The following HIKESHI variants were observed in gnomAD, a reference collection of about 807,000 sequenced individuals.
HIKESHI encodes the protein heat shock protein nuclear import factor hikeshi, also known as protein Hikeshi.
Under a neutral mutation model 25.7 loss-of-function variants are expected in HIKESHI, and 13 were observed. That is an observed-to-expected ratio of 0.51 (90% CI 0.33 to 0.80). The LOEUF (loss-of-function observed/expected upper bound fraction) is 0.80, where lower values mean the gene tolerates loss of function less well. Ranked by LOEUF, HIKESHI falls within the 30% of genes least tolerant of loss-of-function variation. HIKESHI has a pLI of 0.02. For synonymous variants in HIKESHI, 76 were observed against 78.7 expected (o/e 0.97, Z 0.18); for missense variants, 174 against 229.5 (o/e 0.76, Z 1.56).
intron 2 of HIKESHI, among the ~76,000 whole-genome samples, chr11:86,327,003 A>G (rs570409892): frequency 6.4e-4 from 98 of 152,184 alleles, no homozygotes; most frequent in Admixed American, 1.6e-3. Context: ...AAGTGGGAGG[A>G]TTGCTTGAGC....
At chr11:86,308,136 GTAAAATATATATTGTA>G (rs1946713990) in intron 2 of HIKESHI, among the ~76,000 whole-genome samples, 1 of 87,444 alleles carries the variant, frequency 1.1e-5, no homozygotes, top group East Asian at 2.9e-4. Context: ...TGTATTACAT[GTAAAATATATATTGTA>G]TAAAATATAT....
At chr11:86,307,596 G>A (rs1946675229) in intron 2 of HIKESHI, among the ~76,000 whole-genome samples, 2 of 117,478 alleles carry the variant, frequency 1.7e-5, no homozygotes, top group African/African-American at 3.1e-5. Flanking sequence ...ATTATGTGTA[G>A]TATACATTAT....
chr11:86,323,119 T>A lies in HIKESHI; in HGVS notation c.269-14260T>A, dbSNP rs753342777. Among the ~76,000 whole-genome samples, 40 of 151,928 alleles carry A rather than the reference T, an allele frequency of 2.6e-4. 1 individual carries two copies. Among genetic ancestry groups the A allele is most frequent in the Non-Finnish European group, 5.0e-4 (34 of 67,962 alleles). On this transcript the variant is annotated intron_variant, in intron 2 of 4. Coordinates refer to ENST00000278483, the MANE Select transcript of HIKESHI (RefSeq NM_016401.4). ...GGCTCATGCCTCTGGTCCCAGCTAT[T>A]TGGGAGGCTGAGGCCTCAGGAGGAT...
intron 2 of HIKESHI, among the ~76,000 whole-genome samples, chr11:86,326,030 GC>G (rs1471109134): frequency 6.6e-6 from 1 of 152,206 alleles, no homozygotes; most frequent in Non-Finnish European, 1.5e-5. Context: ...AGGCACCGTG[GC>G]TCACGCCTGT....
intron 2 of HIKESHI, 54 bp downstream of exon 2, chr11:86,306,536 T>C (rs1470806367): frequency 9.5e-7 from 1 of 1,052,284 alleles, no homozygotes; most frequent in East Asian, 2.6e-5. Flanking sequence ...TTTTCTTAAA[T>C]AGCATAACAT....
chr11:86,323,553 C>T (rs1947202116), intron 2 of HIKESHI, among the ~76,000 whole-genome samples: 1 of 152,134 alleles, frequency 6.6e-6, no homozygotes, highest in African/African-American at 2.4e-5. Context: ...ATTTAATTTC[C>T]CCCATCTTTG....
chr11:86,338,236 T>C (rs1275723345), intron 3 of HIKESHI, among the ~76,000 whole-genome samples: 1 of 151,720 alleles, frequency 6.6e-6, no homozygotes, highest in East Asian at 1.9e-4. Flanking sequence ...TTCTGTAAGT[T>C]CAACTTTTAG....
chr11:86,322,357 T>C (rs1381201822), intron 2 of HIKESHI, among the ~76,000 whole-genome samples: 1 of 152,164 alleles, frequency 6.6e-6, no homozygotes, highest in South Asian at 2.1e-4. Flanking sequence ...ATCGTTTACA[T>C]GTTTTTAATA....
intron 2 of HIKESHI, among the ~76,000 whole-genome samples, chr11:86,318,834 A>C (rs1012945332): frequency 2.0e-5 from 3 of 152,178 alleles, no homozygotes; most frequent in Admixed American, 2.0e-4. Context: ...CAATTAGAAC[A>C]TGTAATCTGT....
intron 3 of HIKESHI, among the ~76,000 whole-genome samples, chr11:86,340,244 G>T (rs908758387): frequency 2.6e-5 from 4 of 152,168 alleles, no homozygotes; most frequent in Non-Finnish European, 4.4e-5. Flanking sequence ...AGCATGATTT[G>T]TAATCCTTTG....
intron 2 of HIKESHI, among the ~76,000 whole-genome samples, chr11:86,318,985 T>G (rs1187413734): frequency 1.3e-5 from 2 of 152,210 alleles, no homozygotes; most frequent in Non-Finnish European, 2.9e-5. Flanking sequence ...GTCCACATTA[T>G]AGCTCACTAT....
At chr11:86,315,017 A>G (rs1251677665) in intron 2 of HIKESHI, among the ~76,000 whole-genome samples, 2 of 152,246 alleles carry the variant, frequency 1.3e-5, no homozygotes, top group African/African-American at 4.8e-5. Context: ...CTTTATACAT[A>G]TGACATAGTA....
At chr11:86,333,789 A>T (rs1947479182) in intron 2 of HIKESHI, among the ~76,000 whole-genome samples, 2 of 152,238 alleles carry the variant, frequency 1.3e-5, no homozygotes, top group South Asian at 4.1e-4. Context: ...AATGAAAAAA[A>T]AAATAATTGG....
rs945921500 is a variant in HIKESHI, at chr11:86,345,801, A to G, written c.*163A>G. The G allele has an allele frequency of 9.8e-6, 4 of 410,130 alleles. No homozygotes were observed. Among genetic ancestry groups the G allele is most frequent in the African/African-American group, 8.3e-5 (4 of 48,354 alleles). The allele number at this position is 410,130 out of a possible 1,614,324, so 25.4% of individuals were successfully genotyped here. A position where few individuals can be genotyped will look rare whatever the true frequency, so the allele number is the denominator to read the frequency against. On this transcript the variant is annotated 3_prime_UTR_variant, in exon 5 of 5. Transcript: ENST00000278483. ...TCTTTATTAAAAATTAAAAACATTG[A>G]AAAATGAAAATATGTTCATCATTAA...
At chr11:86,302,539 G>A in intron 1 of HIKESHI, 61 bp downstream of exon 1, 2 of 1,526,252 alleles carry the variant, frequency 1.3e-6, no homozygotes, top group Non-Finnish European at 8.9e-7. Context: ...AAGCCCTACG[G>A]CAGGGAGGGT....
chr11:86,321,433 G>T (rs1225906406), intron 2 of HIKESHI, among the ~76,000 whole-genome samples: 5 of 152,046 alleles, frequency 3.3e-5, no homozygotes, highest in Non-Finnish European at 7.4e-5. Flanking sequence ...ATTTCTCTTG[G>T]GTTAATATCT....
chr11:86,316,703 T>G (rs2138331800), intron 2 of HIKESHI, among the ~76,000 whole-genome samples: 1 of 151,336 alleles, frequency 6.6e-6, no homozygotes, highest in African/African-American at 2.4e-5. Context: ...CAGAATGAGA[T>G]TTTTTTATTT....
intron 2 of HIKESHI, among the ~76,000 whole-genome samples, chr11:86,317,265 G>C (rs913067913): frequency 1.2e-4 from 19 of 152,172 alleles, no homozygotes; most frequent in African/African-American, 4.1e-4. Flanking sequence ...AAGAGGTTCA[G>C]TGAGCGGAGA....
intron 2 of HIKESHI, among the ~76,000 whole-genome samples, chr11:86,333,405 C>T (rs1347246966): frequency 6.6e-6 from 1 of 151,866 alleles, no homozygotes; most frequent in African/African-American, 2.4e-5. Flanking sequence ...TGTGGTTGCA[C>T]AGGCCTGTAA....
Sources: allele counts gnomAD v4.1 joint callset (sites outside exome capture counted in the v4.1 genomes callset), GRCh38; gene constraint gnomAD v4.1.1; transcripts MANE v1.5; gene names NCBI Gene and HGNC (gene_info 2026-07-23, HGNC 2026-07-21).